Variants in NFATC3 observed in about 807,000 individuals in gnomAD.
NFATC3 encodes the protein nuclear factor of activated T-cells, cytoplasmic 3.
NFATC3 carries 46 observed loss-of-function variants against 98.6 expected under a neutral mutation model. That is an observed-to-expected ratio of 0.47 (90% CI 0.37 to 0.60). The LOEUF is 0.60. Among genes scored for constraint, NFATC3 ranks in the 20% least tolerant of loss-of-function variants. The pLI, the probability that NFATC3 is intolerant of heterozygous loss-of-function variation, is 0.00. For synonymous variants in NFATC3, 512 were observed against 472.2 expected (o/e 1.08, Z -1.09); for missense variants, 1,256 against 1,295.5 (o/e 0.97, Z 0.47).
intron 3 of NFATC3, among the ~76,000 whole-genome samples, chr16:68,137,763 G>A (rs529400880): frequency 8.6e-5 from 13 of 151,616 alleles, no homozygotes; most frequent in East Asian, 3.9e-4. Flanking sequence ...ACAGGTGCCC[G>A]CCACCACGCC....
At chr16:68,126,674 T>C (rs1408197476) in intron 3 of NFATC3, 64 bp downstream of exon 3, 6 of 1,526,166 alleles carry the variant, frequency 3.9e-6, no homozygotes, top group African/African-American at 1.4e-5. Flanking sequence ...GACAAGTCTA[T>C]TCAGTTAGGT....
intron 5 of NFATC3, among the ~76,000 whole-genome samples, chr16:68,173,125 G>A (rs776229558): frequency 6.6e-6 from 1 of 151,866 alleles, no homozygotes; most frequent in African/African-American, 2.4e-5. Flanking sequence ...AGCCAGGCAC[G>A]GTGGCACATG....
chr16:68,110,657 A>G (rs1396106751), intron 1 of NFATC3, among the ~76,000 whole-genome samples: 3 of 150,340 alleles, frequency 2.0e-5, no homozygotes, highest in African/African-American at 4.9e-5. Flanking sequence ...TGTCTCCTTC[A>G]GTTCTGCTCT....
intron 3 of NFATC3, among the ~76,000 whole-genome samples, chr16:68,126,886 G>T (rs925337096): frequency 1.3e-5 from 2 of 152,108 alleles, no homozygotes; most frequent in African/African-American, 4.8e-5. Context: ...AAATATGGCC[G>T]TATTATATTT....
intron 1 of NFATC3, among the ~76,000 whole-genome samples, chr16:68,086,270 T>C (rs1463293433): frequency 1.3e-5 from 2 of 152,222 alleles, no homozygotes; most frequent in Non-Finnish European, 2.9e-5. Context: ...AGTAATGCTT[T>C]CGAGTTAACG....
At chr16:68,118,703 T>TA (rs2151495252) in intron 1 of NFATC3, among the ~76,000 whole-genome samples, 1 of 152,352 alleles carries the variant, frequency 6.6e-6, no homozygotes, top group East Asian at 1.9e-4. Context: ...CTTGTGTTCT[T>TA]ATGCACAAAT....
intron 9 of NFATC3, among the ~76,000 whole-genome samples, chr16:68,210,803 A>T (rs1370004525): frequency 6.6e-6 from 1 of 152,092 alleles, no homozygotes; most frequent in East Asian, 1.9e-4. Context: ...TTTGTTTGAG[A>T]TGGAGTCTTG....
intron 9 of NFATC3, chr16:68,200,986 C>CA (rs1217678930): frequency 6.6e-6 from 1 of 152,164 alleles, no homozygotes; most frequent in Non-Finnish European, 1.5e-5. Flanking sequence ...GGCTGGAGTG[C>CA]AGTGGCACAA....
rs188763110 is a variant in NFATC3 at position 68,218,661 on chromosome 16, C to T, written c.3107-7689C>T. On this transcript the variant is annotated intron_variant, in intron 9 of 9. Coordinates refer to ENST00000346183, the MANE Select transcript of NFATC3 (RefSeq NM_173165.3). ...GATCTTGGCTCACTGCAAGCTCTGCCTCATGGGTTCACTCCATTCTCCTGC... is the reference window on the plus strand; with the variant it reads ...GATCTTGGCTCACTGCAAGCTCTGCTTCATGGGTTCACTCCATTCTCCTGC... 5.0e-3 allele frequency among the ~76,000 whole-genome samples: 753 copies of T among 150,848 alleles called. 8 individuals carry two copies. The highest frequency in any genetic ancestry group is 0.017 in the African/African-American group (687 of 41,158).
At chr16:68,120,572 GA>G (rs1196341717) in intron 1 of NFATC3, among the ~76,000 whole-genome samples, 1,374 of 83,636 alleles carry the variant, frequency 0.016, 21 homozygotes, top group African/African-American at 0.052. Flanking sequence ...CTCTGTCTCA[GA>G]AAAAAAAAAA....
chr16:68,122,800 C>A lies in NFATC3; in HGVS notation c.917C>A (p.Thr306Lys), dbSNP rs770208557. Residue 306 changes from threonine (T) to lysine (K), a missense_variant, in exon 2 of 10, where the codon ACA (threonine) becomes AAA (lysine). Transcript: ENST00000346183. ...SPGHSPRGSVTEDTWLNASVH... is the reference protein window; with the variant it reads ...SPGHSPRGSVKEDTWLNASVH... ...GGTCACTCCCCCAGGGGAAGTGTGA[C>A]AGAAGATACGTGGCTCAATGCTTCT... The A allele has an allele frequency of 1.2e-6, 2 of 1,614,166 alleles. No homozygotes were observed. Among genetic ancestry groups the A allele is most frequent in the Admixed American group, 1.7e-5 (1 of 60,016 alleles).
At chr16:68,220,073 G>A (rs2041801556) in intron 9 of NFATC3, among the ~76,000 whole-genome samples, 1 of 152,098 alleles carries the variant, frequency 6.6e-6, no homozygotes, top group Admixed American at 6.5e-5. Context: ...CTTTTGTTGT[G>A]GTGGCACAGG....
intron 9 of NFATC3, among the ~76,000 whole-genome samples, chr16:68,206,379 A>G (rs2041144295): frequency 6.6e-6 from 1 of 152,192 alleles, no homozygotes; most frequent in Non-Finnish European, 1.5e-5. Context: ...CAACTCTATT[A>G]AAGTAATAAC....
chr16:68,209,583 G>T (rs6499163), intron 9 of NFATC3: 81,572 of 343,928 alleles, frequency 0.24, 12,203 homozygotes, highest in African/African-American at 0.51. Flanking sequence ...GCTGCTGAAG[G>T]GTCAGGCCCA....
intron 9 of NFATC3, among the ~76,000 whole-genome samples, chr16:68,220,881 C>G (rs1407659464): frequency 6.6e-6 from 1 of 151,184 alleles, no homozygotes; most frequent in Non-Finnish European, 1.5e-5. Flanking sequence ...ATTGCGCCAC[C>G]GCACTCCAGC....
At chr16:68,142,108 T>G (rs2037782535) in intron 3 of NFATC3, among the ~76,000 whole-genome samples, 1 of 152,206 alleles carries the variant, frequency 6.6e-6, no homozygotes. Context: ...AAAGATCAGC[T>G]GGTTGTAAGT....
At chr16:68,153,126 G>A (rs1042171463) in intron 3 of NFATC3, among the ~76,000 whole-genome samples, 6 of 152,192 alleles carry the variant, frequency 3.9e-5, no homozygotes, top group East Asian at 1.9e-4. Flanking sequence ...ACTGGGTACC[G>A]TGGCTCACGC....
intron 9 of NFATC3, among the ~76,000 whole-genome samples, chr16:68,215,322 A>G (rs756207746): frequency 1.7e-4 from 26 of 152,254 alleles, no homozygotes; most frequent in Non-Finnish European, 2.6e-4. Flanking sequence ...CATTGAATGT[A>G]TATAAAACTC....
intron 4 of NFATC3, among the ~76,000 whole-genome samples, chr16:68,160,708 ACTGT>A (rs976095649): frequency 6.7e-6 from 1 of 150,098 alleles, no homozygotes; most frequent in African/African-American, 2.4e-5. Flanking sequence ...TTTTTTTTAG[ACTGT>A]CTAAATTTGT....
Sources: allele counts gnomAD v4.1 joint callset (sites outside exome capture counted in the v4.1 genomes callset), GRCh38; gene constraint gnomAD v4.1.1; transcripts MANE v1.5; gene names NCBI Gene and HGNC (gene_info 2026-07-23, HGNC 2026-07-21).